The following CLGN variants were observed in gnomAD, a reference collection of about 807,000 sequenced individuals.
CLGN encodes the protein calmegin, also known as testis tissue sperm-binding protein Li 79P.
A neutral mutation model predicts 79.1 loss-of-function variants in CLGN; 62 were observed. The observed-to-expected ratio is 0.78, with a 90% CI of 0.64 to 0.97. The LOEUF (loss-of-function observed/expected upper bound fraction) is 0.97, where lower values mean the gene tolerates loss of function less well. CLGN is among the 50% of genes least tolerant of loss of function. The probability of loss-of-function intolerance (pLI) is 0.00; values close to 1 mark genes in which losing one functional copy is unlikely to be tolerated. For synonymous variants in CLGN, 225 were observed against 224.7 expected, an observed-to-expected ratio of 1.00 and a Z score of -0.01; for missense variants, 647 against 715.5, an observed-to-expected ratio of 0.90 and a Z score of 1.09.
chr4:140,400,578 G>A (rs542153418), intron 6 of CLGN, 29 bp from the exon 7 acceptor site: 1 of 1,417,068 alleles, frequency 7.1e-7, no homozygotes, highest in East Asian at 2.3e-5. Flanking sequence ...GTTGGCATTA[G>A]TCCAGAATCA....
At chr4:140,409,787 T>G in intron 4 of CLGN, 50 bp downstream of exon 4, 1 of 1,234,554 alleles carries the variant, frequency 8.1e-7, no homozygotes, top group Non-Finnish European at 1.1e-6. Context: ...CAAAGTTTAG[T>G]GAACTCCAGG....
rs1293739943 is a variant in CLGN at position 140,392,567 on chromosome 4, G to A, written c.1491+19C>T. The A allele has an allele frequency of 1.3e-6, 2 of 1,574,768 alleles. No individual in the cohort carries two copies. Among genetic ancestry groups the A allele is most frequent in the South Asian group, 2.4e-5 (2 of 84,250 alleles). ...AGAAATTTGGGTGAAAAAAGTTGAA[G>A]GAAATCCATTTTCTTTACCTTTACT... On this transcript the variant is annotated intron_variant, in intron 12 of 14. Coordinates refer to ENST00000325617, the MANE Select transcript of CLGN (RefSeq NM_004362.3).
At chr4:140,418,088 A>G (rs1258444938) in intron 1 of CLGN, among the ~76,000 whole-genome samples, 1 of 150,716 alleles carries the variant, frequency 6.6e-6, no homozygotes, top group Non-Finnish European at 1.5e-5. Flanking sequence ...CCTGAGAAAA[A>G]CAAGCAATGG....
At chr4:140,404,937 T>C (rs908376923) in intron 5 of CLGN, among the ~76,000 whole-genome samples, 1 of 150,396 alleles carries the variant, frequency 6.6e-6, no homozygotes, top group African/African-American at 2.5e-5. Context: ...ATTACACACA[T>C]GAGGCATGAG....
At chr4:140,419,141 G>A (rs1430290029) in intron 1 of CLGN, among the ~76,000 whole-genome samples, 1 of 151,972 alleles carries the variant, frequency 6.6e-6, no homozygotes, top group African/African-American at 2.4e-5. Context: ...CTCATAGGTG[G>A]GAATTGAACA....
intron 5 of CLGN, among the ~76,000 whole-genome samples, chr4:140,404,013 A>T (rs1729045127): frequency 2.6e-5 from 4 of 152,166 alleles, no homozygotes; most frequent in Admixed American, 2.6e-4. Flanking sequence ...AATGCTGAAA[A>T]CAGGTTTTCA....
At chr4:140,424,689 A>G (rs1444794219) in intron 1 of CLGN, among the ~76,000 whole-genome samples, 1 of 152,194 alleles carries the variant, frequency 6.6e-6, no homozygotes, top group African/African-American at 2.4e-5. Context: ...CAGGGTTCCA[A>G]GCTTCTTATG....
At chr4:140,404,830 A>T (rs1486655228) in intron 5 of CLGN, among the ~76,000 whole-genome samples, 1 of 151,564 alleles carries the variant, frequency 6.6e-6, no homozygotes, top group Admixed American at 6.6e-5. Flanking sequence ...AATTTTTAAA[A>T]TTTTTTTGTA....
At chr4:140,409,927 AT>A (rs1165965142) in intron 3 of CLGN, 32 bp from the exon 4 acceptor site, 25 of 1,472,142 alleles carry the variant, frequency 1.7e-5, no homozygotes, top group Non-Finnish European at 3.8e-6. Context: ...CATATATGTC[AT>A]TGACAATAAA....
intron 11 of CLGN, 45 bp from the exon 12 acceptor site, chr4:140,392,756 C>G (rs777413941): frequency 6.6e-7 from 1 of 1,523,374 alleles, no homozygotes; most frequent in Non-Finnish European, 8.8e-7. Flanking sequence ...ATTTTACAAA[C>G]CTTTACTGGG....
chr4:140,422,294 C>T (rs1729484695), intron 1 of CLGN, among the ~76,000 whole-genome samples: 1 of 152,014 alleles, frequency 6.6e-6, no homozygotes, highest in Admixed American at 6.6e-5. Flanking sequence ...ACTATTCTTG[C>T]AAAAAGTGCT....
chr4:140,417,756 C>T (rs1324616236), intron 1 of CLGN, among the ~76,000 whole-genome samples: 129 of 151,030 alleles, frequency 8.5e-4, no homozygotes, highest in African/African-American at 2.8e-3. Context: ...GAATCAATAT[C>T]GTGAAAATGG....
At chr4:140,426,802 A>C (rs1033352109) in intron 1 of CLGN, 3 of 152,276 alleles carry the variant, frequency 2.0e-5, no homozygotes, top group African/African-American at 7.2e-5. Context: ...AAATAAAATC[A>C]GCGAAAGTGT....
intron 1 of CLGN, chr4:140,426,638 A>G (rs1235643661): frequency 6.6e-6 from 1 of 152,264 alleles, no homozygotes; most frequent in Admixed American, 6.5e-5. Flanking sequence ...TTTAAGCAAC[A>G]AAAAGTTTAT....
chr4:140,390,407 C>T lies in CLGN; in HGVS notation c.1752+221G>A, dbSNP rs533075870. On this transcript the variant is annotated intron_variant, in intron 14 of 14. Coordinates refer to ENST00000325617, the MANE Select transcript of CLGN (RefSeq NM_004362.3). ...TATTCTATCTTTATATTTTGTACGC[C>T]ACAGGCTTGCTCTATACTGTTTTAC... Among the ~76,000 whole-genome samples, 3 of 151,568 alleles carry T rather than the reference C, an allele frequency of 2.0e-5. No individual in the cohort carries two copies. In the South Asian group the frequency reaches 6.2e-4, roughly 31 times the overall value.
rs756646561 is a variant in CLGN, at chr4:140,399,009, TA to T, written c.725del (p.Leu242Ter). 1 of 1,613,540 alleles carries T rather than the reference TA, an allele frequency of 6.2e-7. No individual in the cohort carries two copies. The highest frequency in any genetic ancestry group is 1.1e-5 in the South Asian group (1 of 90,928). On this transcript the variant is annotated frameshift_variant, in exon 8 of 15. Transcript: ENST00000325617. LOFTEE classifies it high-confidence loss of function. ...VMNPDDTFEV[L>X]VDQTVVNKGS... ...CTTTGTTTACAACTGTTTGATCAAC[TA>T]ACACCTCAAATGTGTCATCTGGATT...
chr4:140,417,870 C>A (rs1458068777), intron 1 of CLGN, among the ~76,000 whole-genome samples: 4 of 151,222 alleles, frequency 2.6e-5, no homozygotes, highest in Non-Finnish European at 5.9e-5. Flanking sequence ...TCATATGGAA[C>A]CAAAAAAGAG....
intron 4 of CLGN, 105 bp from the exon 5 acceptor site, chr4:140,406,188 G>T: frequency 9.0e-7 from 1 of 1,109,418 alleles, no homozygotes; most frequent in Non-Finnish European, 1.3e-6. Flanking sequence ...AGCCTGACTT[G>T]GGAAAAATAA....
At chr4:140,392,080 C>A in intron 13 of CLGN, 139 bp downstream of exon 13, 1 of 1,064,128 alleles carries the variant, frequency 9.4e-7, no homozygotes, top group Non-Finnish European at 1.4e-6. Context: ...TTCCTTCTTG[C>A]CACAGTCACA....
Sources: allele counts gnomAD v4.1 joint callset (sites outside exome capture counted in the v4.1 genomes callset), GRCh38; gene constraint gnomAD v4.1.1; transcripts MANE v1.5; gene names NCBI Gene and HGNC (gene_info 2026-07-23, HGNC 2026-07-21).